The following EME1 variants were observed in gnomAD, a reference collection of about 807,000 sequenced individuals.
The protein encoded by EME1 is essential meiotic structure-specific endonuclease 1.
A neutral mutation model predicts 59.1 loss-of-function variants in EME1; 61 were observed. The observed-to-expected ratio is 1.03, with a 90% CI of 0.84 to 1.28. The LOEUF (loss-of-function observed/expected upper bound fraction) is 1.28, where lower values mean the gene tolerates loss of function less well. Among genes scored for constraint, EME1 ranks in the 50% most tolerant of loss-of-function variants. The pLI is 0.00. For missense variants in EME1, 635 were observed against 682.6 expected, an observed-to-expected ratio of 0.93 and a Z score of 0.78; for synonymous variants, 230 against 254.2, an observed-to-expected ratio of 0.90 and a Z score of 0.90.
At chr17:50,376,728 AG>A (rs1213170034) in intron 3 of EME1, among the ~76,000 whole-genome samples, 1 of 152,204 alleles carries the variant, frequency 6.6e-6, no homozygotes, top group Non-Finnish European at 1.5e-5. Context: ...CCTTGAGCGA[AG>A]CTATGAGCTG....
At chr17:50,378,398 G>T (rs1196691933) in intron 3 of EME1, among the ~76,000 whole-genome samples, 197 bp from the exon 4 acceptor site, 1 of 152,166 alleles carries the variant, frequency 6.6e-6, no homozygotes, top group East Asian at 1.9e-4. Context: ...TCTCTGAGAT[G>T]CAGGGCACCA....
rs1446947435 is a variant in EME1 at position 50,379,478 on chromosome 17, A to T, written c.1257A>T (p.Thr419=). The part of the protein sequence containing the change: ...EEALVDLQLH[T]EAQAQIVQSW... ...CATTGGTGGATCTGCAGCTACACAC[A>T]GAAGCCCAGGCTCAAATTGTGCAGA... Residue 419 remains threonine, a synonymous_variant, in exon 7 of 9, where the codon ACA becomes ACT. Transcript: ENST00000338165. 1 of 1,614,090 alleles carries T rather than the reference A, an allele frequency of 6.2e-7. No homozygotes were observed. Among genetic ancestry groups the T allele is most frequent in the African/African-American group, 1.3e-5 (1 of 74,936 alleles).
At chr17:50,377,846 T>C (rs1418401928) in intron 3 of EME1, among the ~76,000 whole-genome samples, 2 of 151,876 alleles carry the variant, frequency 1.3e-5, no homozygotes, top group African/African-American at 4.8e-5. Flanking sequence ...GCTTCTGCCT[T>C]CTGGGTTCAA....
chr17:50,380,815 T>TA lies in EME1; in HGVS notation c.1590dup (p.Gln531ThrfsTer38). The TA allele has an allele frequency of 6.2e-7, 1 of 1,614,176 alleles. No homozygotes were observed. The highest frequency in any genetic ancestry group is 8.5e-7 in the Non-Finnish European group (1 of 1,180,042). ...GAACGCCAGAATTTGCTCGCAGACA[T>TA]ACAGGTGCGCCGTGGGGAAGGTGTG... On this transcript the variant is annotated frameshift_variant, in exon 9 of 9. Transcript: ENST00000338165. LOFTEE classifies it high-confidence loss of function.
At chr17:50,374,138 G>C (rs1471231424) in intron 1 of EME1, among the ~76,000 whole-genome samples, 1 of 152,232 alleles carries the variant, frequency 6.6e-6, no homozygotes, top group Non-Finnish European at 1.5e-5. Context: ...TGATAAAATA[G>C]TGATGATGGT....
Position 50,379,166 on chromosome 17 carries a change from A to G in EME1, c.1172A>G (p.Gln391Arg), listed in dbSNP as rs1306669330. The G allele has an allele frequency of 8.1e-6, 13 of 1,614,140 alleles. No homozygotes were observed. Among genetic ancestry groups the G allele is most frequent in the Non-Finnish European group, 1.1e-5 (13 of 1,180,060 alleles). The change falls in exon 6 of 9, where the codon CAG (glutamine) becomes CGG (arginine). Residue 391 changes from glutamine to arginine, a missense_variant. Physicochemically the swap from Gln to Arg is conservative, Grantham distance 43. Coordinates refer to ENST00000338165, the MANE Select transcript of EME1 (RefSeq NM_152463.4). ...GCAAATAAACAGACCAAGAAGCAGC[A>G]GCAGAGACAACCAGAGGCCAGCATA... ...QGANKQTKKQQQRQPEASIGS... is the reference protein window; with the variant it reads ...QGANKQTKKQRQRQPEASIGS...
intron 3 of EME1, among the ~76,000 whole-genome samples, chr17:50,376,606 A>C (rs1210239856): frequency 1.3e-5 from 2 of 152,206 alleles, no homozygotes; most frequent in Admixed American, 6.5e-5. Flanking sequence ...TGTGGGGAAA[A>C]ATCACCCCCG....
chr17:50,377,778 CAG>C (rs1216562101), intron 3 of EME1, among the ~76,000 whole-genome samples: 4 of 150,024 alleles, frequency 2.7e-5, no homozygotes, highest in Non-Finnish European at 5.9e-5. Context: ...TTTTTTGAGA[CAG>C]AGTTTCACCC....
intron 6 of EME1, 35 bp from the exon 7 acceptor site, chr17:50,379,417 A>C (rs1598363807): frequency 1.2e-6 from 2 of 1,608,210 alleles, no homozygotes; most frequent in African/African-American, 2.7e-5. Flanking sequence ...GTCTCTTCCT[A>C]CCCTTCCAGT....
In EME1 at chr17:50,376,161, G is replaced by A. The variant is rs1408249324; in HGVS notation, c.871G>A (p.Val291Ile). The A allele has an allele frequency of 1.5e-5, 24 of 1,613,768 alleles. No individual in the cohort carries two copies. The highest frequency in any genetic ancestry group is 1.6e-5 in the Non-Finnish European group (19 of 1,180,024). ...TGAGGCGCAGGCTGTGCCTTGCAGT[G>A]TCACTTGGAGGAGAAGGGCTGGGCC... ...VIEAQAVPCSVTWRRRAGPSE... is the reference protein window; with the variant it reads ...VIEAQAVPCSITWRRRAGPSE... Residue 291 changes from valine (V) to isoleucine (I), a missense_variant, in exon 3 of 9, where the codon GTC (valine) becomes ATC (isoleucine). Coordinates refer to ENST00000338165, the MANE Select transcript of EME1 (RefSeq NM_152463.4).
chr17:50,373,845 T>C (rs1256266856), intron 1 of EME1, among the ~76,000 whole-genome samples: 2 of 152,208 alleles, frequency 1.3e-5, no homozygotes, highest in African/African-American at 4.8e-5. Flanking sequence ...AAATTAAATG[T>C]CCAAGTGATG....
intron 2 of EME1, 30 bp from the exon 3 acceptor site, chr17:50,376,036 C>A (rs764612370): frequency 6.2e-7 from 1 of 1,609,300 alleles, no homozygotes; most frequent in Non-Finnish European, 8.5e-7. Flanking sequence ...CTGGACCCCC[C>A]ACTGACAGTC....
chr17:50,380,089 C>A, intron 7 of EME1: 1 of 487,758 alleles, frequency 2.1e-6, no homozygotes, highest in Non-Finnish European at 3.7e-6. Context: ...GGTATCTTTT[C>A]TTCTACTATA....
intron 1 of EME1, among the ~76,000 whole-genome samples, chr17:50,374,138 GTGA>G (rs758774321): frequency 2.1e-4 from 32 of 152,232 alleles, no homozygotes; most frequent in Non-Finnish European, 4.1e-4. Context: ...TGATAAAATA[GTGA>G]TGATGGTTGC....
At position 50,375,227 on chromosome 17, in the gene EME1, T is replaced by C. The variant is rs751542825; in HGVS notation, c.19T>C (p.Ser7Pro). ...CATACTGATGGCTCTAAAGAAGTCA[T>C]CACCCTCACTGGATTCTGGTGATAG... MALKKS[S>P]PSLDSGDSDS... Residue 7 changes from serine to proline, a missense_variant, in exon 2 of 9, where the codon TCA (serine) becomes CCA (proline). Coordinates refer to ENST00000338165, the MANE Select transcript of EME1 (RefSeq NM_152463.4). 6.2e-7 allele frequency: 1 copy of C among 1,614,130 alleles called. No homozygotes were observed. Among genetic ancestry groups the C allele is most frequent in the Non-Finnish European group, 8.5e-7 (1 of 1,180,026 alleles).
Position 50,379,554 on chromosome 17 carries a change from G to T in EME1, c.1333G>T (p.Glu445Ter). ...ATGCGCATTCACAAAGGCTGTGGCT[G>T]AGGCGCCCTTCAAGTGAGTAACCCC... ...FTCAFTKAVAEAPFKKLRDET... is the reference protein window; with the variant it reads ...FTCAFTKAVA The change falls in exon 7 of 9, where the codon GAG becomes TAG. Residue 445 changes from glutamate to a stop codon, truncating the protein, a stop_gained. Transcript: ENST00000338165. LOFTEE classifies it high-confidence loss of function. The T allele has an allele frequency of 6.2e-7, 1 of 1,614,150 alleles. No individual in the cohort carries two copies. The highest frequency in any genetic ancestry group is 1.1e-5 in the South Asian group (1 of 91,058).
In EME1 at chr17:50,381,002, G is replaced by C. The variant is rs966690804; in HGVS notation, c.*63G>C. The C allele has an allele frequency of 2.1e-5, 33 of 1,580,902 alleles. No homozygotes were observed. Among genetic ancestry groups the C allele is most frequent in the Non-Finnish European group, 1.9e-5 (22 of 1,155,198 alleles). ...TTCCACTTCCCCAACCTCAGAGCCT[G>C]ACTGTAATGAAGAGACTGGCAGCAC... On this transcript the variant is annotated 3_prime_UTR_variant, in exon 9 of 9. Coordinates refer to ENST00000338165, the MANE Select transcript of EME1 (RefSeq NM_152463.4).
chr17:50,376,207 G>A lies in EME1; in HGVS notation c.903+14G>A. 1.2e-6 allele frequency: 2 copies of A among 1,609,158 alleles called. No homozygotes were observed. ...GGGCCGTCTGAGGTAGGAGTTTTCT[G>A]GCTGACATTTCCTCCCTCTCCTCCC... is the stretch of plus-strand genomic sequence containing the variant. On this transcript the variant is annotated intron_variant, in intron 3 of 8. Transcript: ENST00000338165.
At chr17:50,379,838 A>T (rs1020002541) in intron 7 of EME1, 14 of 427,038 alleles carry the variant, frequency 3.3e-5, no homozygotes. Context: ...AGTTACCAGG[A>T]TTAATTACAG....
Sources: gnomAD v4.1 joint callset for allele counts (sites outside exome capture counted in the v4.1 genomes callset) on GRCh38, gnomAD v4.1.1 for gene constraint, MANE v1.5 for transcripts, NCBI Gene and HGNC (gene_info 2026-07-23, HGNC 2026-07-21) for gene names.